CAPS2: variants seen among roughly 807,000 people sequenced by gnomAD.
CAPS2 encodes calcyphosine 2.
A neutral mutation model predicts 86.5 loss-of-function variants in CAPS2; 98 were observed. The observed-to-expected ratio is 1.13, with a 90% CI of 0.96 to 1.34. The LOEUF (loss-of-function observed/expected upper bound fraction) is 1.34. Ranked by LOEUF, CAPS2 falls within the 40% of genes most tolerant of loss-of-function variation. The pLI is 0.00. For missense variants in CAPS2, 729 were observed against 686.8 expected (o/e 1.06, Z -0.69); for synonymous variants, 210 against 225.1 (o/e 0.93, Z 0.60).
intron 6 of CAPS2, 45 bp downstream of exon 6, chr12:75,316,267 T>C (rs543292731): frequency 3.9e-6 from 6 of 1,544,050 alleles, no homozygotes; most frequent in Admixed American, 2.0e-5. Flanking sequence ...AGAAAGCAAA[T>C]AAGATTAATG....
chr12:75,291,253 T>C (rs984833515), intron 13 of CAPS2, among the ~76,000 whole-genome samples: 1 of 151,662 alleles, frequency 6.6e-6, no homozygotes, highest in African/African-American at 2.4e-5. Flanking sequence ...AGTCTAGCTT[T>C]TTTTTCTTTT....
At chr12:75,341,747 CTTT>C (rs1185408752) in intron 1 of CAPS2, among the ~76,000 whole-genome samples, 2 of 83,418 alleles carry the variant, frequency 2.4e-5, no homozygotes, top group African/African-American at 1.1e-4. Context: ...CGCCCGGCCT[CTTT>C]TTTTTTTTTT....
downstream of CAPS2, chr12:75,276,968 G>A: frequency 1.0e-6 from 1 of 984,422 alleles, no homozygotes; most frequent in Non-Finnish European, 1.2e-6. Context: ...CTTTTATTAA[G>A]TTTAACACTA....
intron 13 of CAPS2, among the ~76,000 whole-genome samples, chr12:75,290,925 A>C (rs924430350): frequency 1.6e-5 from 1 of 60,962 alleles, no homozygotes; most frequent in Non-Finnish European, 3.8e-5. Flanking sequence ...CTCTCTCTCA[A>C]AAAAAAAAAC....
chr12:75,383,228 C>A (rs773690624), intron 1 of CAPS2, among the ~76,000 whole-genome samples: 2 of 152,028 alleles, frequency 1.3e-5, no homozygotes, highest in Non-Finnish European at 2.9e-5. Flanking sequence ...CTGACAGATA[C>A]GAAAGATTGA....
chr12:75,359,761 C>A (rs1480254162), intron 1 of CAPS2: 1 of 151,980 alleles, frequency 6.6e-6, no homozygotes, highest in Non-Finnish European at 1.5e-5. Flanking sequence ...ATAAATCATA[C>A]TGGAACAATT....
intron 1 of CAPS2, among the ~76,000 whole-genome samples, chr12:75,335,335 AAAC>A (rs543512702): frequency 0.011 from 1,680 of 152,320 alleles, 11 homozygotes; most frequent in Non-Finnish European, 0.018. Flanking sequence ...TCCAAGATCA[AAAC>A]AACACTTCAT....
intron 1 of CAPS2, among the ~76,000 whole-genome samples, chr12:75,350,506 CTT>C (rs1308507848): frequency 6.6e-6 from 1 of 152,204 alleles, no homozygotes; most frequent in Non-Finnish European, 1.5e-5. Flanking sequence ...AGGCTGCCAT[CTT>C]TGCTGTTCTG....
chr12:75,349,983 A>C (rs1408753216), intron 1 of CAPS2, among the ~76,000 whole-genome samples: 3 of 152,236 alleles, frequency 2.0e-5, no homozygotes, highest in Non-Finnish European at 2.9e-5. Flanking sequence ...CTGCCTAAGA[A>C]GACCGGGTCC....
chr12:75,313,016 C>T (rs538125489), intron 6 of CAPS2, 101 bp from the exon 7 acceptor site: 38 of 623,078 alleles, frequency 6.1e-5, no homozygotes, highest in Middle Eastern at 2.7e-4. Context: ...CTCTGATTTC[C>T]GTCTTAGATA....
intron 14 of CAPS2, among the ~76,000 whole-genome samples, chr12:75,286,722 C>A (rs954801640): frequency 2.6e-5 from 4 of 151,828 alleles, no homozygotes; most frequent in African/African-American, 9.6e-5. Context: ...CAAAATTAGA[C>A]CTAGGTTAGT....
upstream of CAPS2, among the ~76,000 whole-genome samples, chr12:75,332,671 C>T (rs549484841): frequency 1.3e-5 from 2 of 152,144 alleles, no homozygotes; most frequent in South Asian, 4.1e-4. Flanking sequence ...TTAAAGAGAA[C>T]TCATTTATTT....
chr12:75,346,122 A>G (rs2042428661), intron 1 of CAPS2, among the ~76,000 whole-genome samples: 1 of 152,222 alleles, frequency 6.6e-6, no homozygotes. Context: ...TACATAGTGA[A>G]TATTTATTCT....
At chr12:75,348,880 A>G (rs983958421) in intron 1 of CAPS2, among the ~76,000 whole-genome samples, 1 of 152,194 alleles carries the variant, frequency 6.6e-6, no homozygotes, top group African/African-American at 2.4e-5. Context: ...TCTGAAAAAT[A>G]ACAACAAAAA....
intron 1 of CAPS2, among the ~76,000 whole-genome samples, chr12:75,386,350 C>T (rs776052795): frequency 5.4e-4 from 82 of 152,152 alleles, no homozygotes; most frequent in Non-Finnish European, 2.8e-4. Context: ...CAATTTCTTA[C>T]AGTTCTGGAG....
At chr12:75,389,002 A>C (rs769346509) in intron 1 of CAPS2, among the ~76,000 whole-genome samples, 1 of 152,182 alleles carries the variant, frequency 6.6e-6, no homozygotes, top group Non-Finnish European at 1.5e-5. Flanking sequence ...ACAAAACAAA[A>C]CAAAAAAAAC....
intron 8 of CAPS2, among the ~76,000 whole-genome samples, chr12:75,300,347 G>A (rs1315384570): frequency 6.6e-6 from 1 of 151,794 alleles, no homozygotes. Flanking sequence ...ACGAGGTCAG[G>A]AGATCGAGAC....
chr12:75,355,986 G>C (rs1287070832), intron 1 of CAPS2, among the ~76,000 whole-genome samples: 1 of 152,146 alleles, frequency 6.6e-6, no homozygotes, highest in Non-Finnish European at 1.5e-5. Context: ...TGGGGGTAGG[G>C]TGGGGAGAGG....
intron 1 of CAPS2, chr12:75,370,326 T>G (rs1376799047): frequency 7.3e-6 from 4 of 548,984 alleles, no homozygotes; most frequent in East Asian, 2.8e-5. Context: ...ACTCAAAAAA[T>G]GTACTGTAGT....
Sources: allele counts gnomAD v4.1 joint callset (sites outside exome capture counted in the v4.1 genomes callset), GRCh38; gene constraint gnomAD v4.1.1; transcripts MANE v1.5; gene names NCBI Gene and HGNC (gene_info 2026-07-23, HGNC 2026-07-21).